Variants in NAALADL2 observed in about 807,000 individuals in gnomAD.
The protein encoded by NAALADL2 is N-acetylated alpha-linked acidic dipeptidase like 2, also known as inactive N-acetylated-alpha-linked acidic dipeptidase-like protein 2.
In NAALADL2, 76 loss-of-function variants were observed where a neutral mutation model predicts 87.2. The ratio of observed to expected loss-of-function variants is 0.87; its 90% CI spans 0.72 to 1.05. The LOEUF (loss-of-function observed/expected upper bound fraction) is 1.05. Among genes scored for constraint, NAALADL2 ranks in the 50% least tolerant of loss-of-function variants. The pLI is 0.00. For missense variants in NAALADL2, 1,089 were observed against 945.8 expected (o/e 1.15, Z -1.99); for synonymous variants, 354 against 331.0 (o/e 1.07, Z -0.75).
chr3:175,399,767 T>C (rs924400546), intron 5 of NAALADL2, among the ~76,000 whole-genome samples: 2 of 151,978 alleles, frequency 1.3e-5, no homozygotes, highest in African/African-American at 4.8e-5. Context: ...ATTCTAAGTC[T>C]GGGAATGCAG....
intron 8 of NAALADL2, among the ~76,000 whole-genome samples, chr3:175,469,336 TGAAA>T (rs961046664): frequency 6.7e-6 from 1 of 150,322 alleles, no homozygotes; most frequent in Non-Finnish European, 1.5e-5. Context: ...ATCCTGAGAA[TGAAA>T]GAGTTTATGT....
chr3:175,228,039 T>C (rs916932456), intron 2 of NAALADL2, among the ~76,000 whole-genome samples: 1 of 152,018 alleles, frequency 6.6e-6, no homozygotes, highest in Middle Eastern at 3.2e-3. Flanking sequence ...CCAGTATTTC[T>C]ACAATCATGT....
chr3:174,599,288 C>T (rs1718219931), intron 2 of NAALADL2, among the ~76,000 whole-genome samples: 1 of 152,116 alleles, frequency 6.6e-6, no homozygotes, highest in Non-Finnish European at 1.5e-5. Flanking sequence ...CTATGATAGG[C>T]AGACATAATT....
At chr3:175,169,442 A>T (rs1321229837) in intron 2 of NAALADL2, among the ~76,000 whole-genome samples, 2 of 140,404 alleles carry the variant, frequency 1.4e-5, no homozygotes, top group African/African-American at 5.0e-5. Flanking sequence ...CATAACTAAG[A>T]GGGTAGTTGT....
chr3:174,895,865 C>T (rs1445875550), intron 1 of NAALADL2, among the ~76,000 whole-genome samples: 2 of 152,018 alleles, frequency 1.3e-5, no homozygotes, highest in Admixed American at 1.3e-4. Context: ...TGGGATTTAT[C>T]CCTGAGATGC....
At chr3:174,541,520 T>C (rs1295151847) in intron 1 of NAALADL2, among the ~76,000 whole-genome samples, 1 of 152,074 alleles carries the variant, frequency 6.6e-6, no homozygotes, top group African/African-American at 2.4e-5. Context: ...AAATTGAACG[T>C]GGGTTAATCA....
chr3:174,811,200 A>G (rs950742144), intron 3 of NAALADL2, among the ~76,000 whole-genome samples: 2 of 151,854 alleles, frequency 1.3e-5, no homozygotes, highest in Non-Finnish European at 2.9e-5. Flanking sequence ...TGGAACCCCC[A>G]CACATTGGGG....
At chr3:174,950,479 T>C (rs1353989387) in intron 1 of NAALADL2, among the ~76,000 whole-genome samples, 1 of 152,132 alleles carries the variant, frequency 6.6e-6, no homozygotes, top group African/African-American at 2.4e-5. Context: ...TTTTGTGTCA[T>C]AGCCAAAAAA....
chr3:174,651,768 A>G (rs1027426891), intron 2 of NAALADL2, among the ~76,000 whole-genome samples: 3 of 152,130 alleles, frequency 2.0e-5, no homozygotes, highest in African/African-American at 7.2e-5. Flanking sequence ...ATAACTGCCC[A>G]CTCAAAGTTT....
chr3:175,363,755 A>G (rs1259898309), intron 5 of NAALADL2, among the ~76,000 whole-genome samples: 1 of 148,190 alleles, frequency 6.7e-6, no homozygotes, highest in African/African-American at 2.5e-5. Flanking sequence ...AATGAACTGG[A>G]AAATCTGTAA....
At chr3:175,104,869 G>A (rs1722828147) in intron 2 of NAALADL2, among the ~76,000 whole-genome samples, 1 of 152,088 alleles carries the variant, frequency 6.6e-6, no homozygotes, top group African/African-American at 2.4e-5. Flanking sequence ...ATTATGCATA[G>A]TGTTTCATTG....
chr3:175,531,193 A>C (rs959142981), intron 9 of NAALADL2, among the ~76,000 whole-genome samples: 1 of 152,132 alleles, frequency 6.6e-6, no homozygotes, highest in African/African-American at 2.4e-5. Context: ...CTTTCAGGTC[A>C]TTCGATAAAT....
intron 1 of NAALADL2, among the ~76,000 whole-genome samples, chr3:175,042,075 A>T (rs1203557807): frequency 6.6e-6 from 1 of 151,880 alleles, no homozygotes; most frequent in African/African-American, 2.4e-5. Context: ...ACTTTTCTCC[A>T]TTTCTCCCAA....
chr3:175,102,699 T>C (rs1409829081), intron 2 of NAALADL2, among the ~76,000 whole-genome samples: 1 of 124,162 alleles, frequency 8.1e-6, no homozygotes, highest in Non-Finnish European at 1.9e-5. Flanking sequence ...CAATATTTTT[T>C]ATCATTGATA....
chr3:175,761,092 G>C (rs939997547), intron 13 of NAALADL2, among the ~76,000 whole-genome samples: 1 of 152,010 alleles, frequency 6.6e-6, no homozygotes, highest in African/African-American at 2.4e-5. Flanking sequence ...TTAATATCAG[G>C]GTTTGCTCTT....
At chr3:175,430,386 T>C (rs1717554644) in intron 5 of NAALADL2, among the ~76,000 whole-genome samples, 1 of 151,970 alleles carries the variant, frequency 6.6e-6, no homozygotes, top group Admixed American at 6.6e-5. Flanking sequence ...ATTTAAAGAT[T>C]CTCTATGGCA....
chr3:175,178,831 A>ATT (rs148156130), intron 2 of NAALADL2, among the ~76,000 whole-genome samples: 17 of 149,960 alleles, frequency 1.1e-4, no homozygotes, highest in Non-Finnish European at 2.1e-4. Context: ...ATGTTTTAGA[A>ATT]TTTTTTTTTT....
intron 1 of NAALADL2, among the ~76,000 whole-genome samples, chr3:174,548,538 TAAA>T (rs1711687708): frequency 2.6e-5 from 4 of 152,084 alleles, no homozygotes; most frequent in Non-Finnish European, 5.9e-5. Context: ...ATATGGTCTT[TAAA>T]AACAGACAGA....
upstream of NAALADL2, among the ~76,000 whole-genome samples, chr3:174,854,390 T>C (rs73174780): frequency 6.6e-6 from 1 of 151,950 alleles, no homozygotes; most frequent in African/African-American, 2.4e-5. Flanking sequence ...GGAAACCTAG[T>C]AGAGAGAAAG....
Sources: gnomAD v4.1 joint callset for allele counts (sites outside exome capture counted in the v4.1 genomes callset) on GRCh38, gnomAD v4.1.1 for gene constraint, MANE v1.5 for transcripts, NCBI Gene and HGNC (gene_info 2026-07-23, HGNC 2026-07-21) for gene names.